AMY2B: variants seen among roughly 807,000 people sequenced by gnomAD.
AMY2B encodes amylase alpha 2B, also known as alpha-amylase 2B.
In AMY2B, 63 loss-of-function variants were observed where a neutral mutation model predicts 59.3. That is an observed-to-expected ratio of 1.06 (90% CI 0.87 to 1.31). The LOEUF is 1.31. AMY2B is among the 50% of genes most tolerant of loss of function. The probability of loss-of-function intolerance (pLI) is 0.00; values close to 1 mark genes in which losing one functional copy is unlikely to be tolerated. For missense variants in AMY2B, 635 were observed against 626.7 expected (o/e 1.01, Z -0.14); for synonymous variants, 180 against 198.1 (o/e 0.91, Z 0.77).
intron 5 of AMY2B, among the ~76,000 whole-genome samples, chr1:103,574,739 A>G (rs1478280781): frequency 6.6e-6 from 1 of 151,828 alleles, no homozygotes; most frequent in Non-Finnish European, 1.5e-5. Context: ...TCCATACTGT[A>G]GAATTTACAT....
At chr1:103,557,451 A>C (rs971839142) in intron 1 of AMY2B, among the ~76,000 whole-genome samples, 1 of 152,098 alleles carries the variant, frequency 6.6e-6, no homozygotes, top group Non-Finnish European at 1.5e-5. Flanking sequence ...CAGGATTTTG[A>C]GACCAGCCTG....
At chr1:103,557,668 A>G (rs763581321) in intron 1 of AMY2B, among the ~76,000 whole-genome samples, 3 of 152,222 alleles carry the variant, frequency 2.0e-5, no homozygotes, top group South Asian at 4.1e-4. Flanking sequence ...AGTATTTTAC[A>G]TAAGAAATTT....
chr1:103,574,196 C>A (rs1652252906), intron 4 of AMY2B, 64 bp from the exon 5 acceptor site: 1 of 1,607,176 alleles, frequency 6.2e-7, no homozygotes, highest in East Asian at 2.2e-5. Flanking sequence ...ATAATATTAA[C>A]TTATTGGTTA....
At chr1:103,576,566 T>C (rs1355260259) in intron 7 of AMY2B, among the ~76,000 whole-genome samples, 4 of 152,096 alleles carry the variant, frequency 2.6e-5, no homozygotes, top group Admixed American at 2.6e-4. Flanking sequence ...AAAAACTTCC[T>C]AGGGTTACTC....
intron 1 of AMY2B, among the ~76,000 whole-genome samples, chr1:103,559,854 C>T (rs1314089997): frequency 1.3e-5 from 2 of 151,982 alleles, no homozygotes; most frequent in African/African-American, 4.8e-5. Context: ...TAAAAACTGA[C>T]AGGTTTGTAA....
At chr1:103,575,961 A>G (rs770641891) in intron 7 of AMY2B, among the ~76,000 whole-genome samples, 6 of 152,176 alleles carry the variant, frequency 3.9e-5, no homozygotes, top group Non-Finnish European at 8.8e-5. Flanking sequence ...AAAAAGTTAT[A>G]TGGAATACAA....
At chr1:103,570,421 A>G, upstream of AMY2B, 1 of 875,828 alleles carries the variant, frequency 1.1e-6, no homozygotes. Context: ...GACATCCGCA[A>G]AGACCTGTAG....
At chr1:103,571,237 T>G (rs1388842393), upstream of AMY2B, 2 of 673,750 alleles carry the variant, frequency 3.0e-6, no homozygotes, top group African/African-American at 3.8e-5. Flanking sequence ...AATGTATTCA[T>G]CCTTTTAATT....
chr1:103,575,441 G>A lies in AMY2B; in HGVS notation c.1002G>A (p.Arg334=). 6.2e-7 allele frequency: 1 copy of A among 1,613,376 alleles called. No homozygotes were observed. The highest frequency in any genetic ancestry group is 8.5e-7 in the Non-Finnish European group (1 of 1,179,636). ...GATAATATAATTATGTAACTTTCAG[G>A]CTGTATAAAATGGCAGTTGGATTTA... The part of the protein sequence containing the change: ...GASILTFWDA[R]LYKMAVGFML... The change falls in exon 7 of 10, where the codon AGG becomes AGA. Residue 334 remains arginine (R), a splice_region_variant and synonymous_variant. Transcript: ENST00000684275.
chr1:103,556,266 A>G (rs1001395237), intron 1 of AMY2B, among the ~76,000 whole-genome samples: 5 of 152,228 alleles, frequency 3.3e-5, no homozygotes, highest in Non-Finnish European at 5.9e-5. Context: ...AGGTGCTATC[A>G]CTGAAAAAGT....
At chr1:103,562,545 G>A (rs1422300167) in intron 1 of AMY2B, among the ~76,000 whole-genome samples, 2 of 152,090 alleles carry the variant, frequency 1.3e-5, no homozygotes, top group East Asian at 3.9e-4. Context: ...CAACTAACTT[G>A]ATCAAGTTCA....
intron 1 of AMY2B, among the ~76,000 whole-genome samples, chr1:103,556,191 CTGTGG>C (rs1397008433): frequency 0.02 from 2,978 of 152,210 alleles, 94 homozygotes; most frequent in African/African-American, 0.068. Flanking sequence ...CTTAGGCAAT[CTGTGG>C]TTTATTTAAG....
chr1:103,565,114 C>A (rs1472365019), intron 1 of AMY2B: 2 of 152,218 alleles, frequency 1.3e-5, no homozygotes, highest in African/African-American at 4.8e-5. Flanking sequence ...AGACCCCCAG[C>A]AGGTGCCTGA....
chr1:103,575,094 A>G (rs975367002), intron 5 of AMY2B, 129 bp from the exon 6 acceptor site: 6 of 1,266,242 alleles, frequency 4.7e-6, no homozygotes, highest in African/African-American at 4.5e-5. Flanking sequence ...ATCTTACAGA[A>G]TAACCATTTA....
chr1:103,571,393 A>G (rs1652124823), upstream of AMY2B: 1 of 1,207,580 alleles, frequency 8.3e-7, no homozygotes, highest in African/African-American at 1.5e-5. Context: ...CCAAAAAAAC[A>G]TTAATTTCTA....
chr1:103,567,278 A>G (rs974319116), upstream of AMY2B, among the ~76,000 whole-genome samples: 1 of 152,080 alleles, frequency 6.6e-6, no homozygotes, highest in Non-Finnish European at 1.5e-5. Context: ...ATGATATTTC[A>G]TATAAAATAT....
chr1:103,557,205 A>T (rs1328553964), intron 1 of AMY2B, among the ~76,000 whole-genome samples: 1 of 152,146 alleles, frequency 6.6e-6, no homozygotes, highest in African/African-American at 2.4e-5. Flanking sequence ...CAAAACATTG[A>T]ATAAGCATCA....
In AMY2B at chr1:103,579,413, C is replaced by T. The variant is rs113020975; in HGVS notation, c.1449C>T (p.Tyr483=). Residue 483 remains tyrosine, a synonymous_variant, in exon 10 of 10, where the codon TAC becomes TAT. Coordinates refer to ENST00000684275, the MANE Select transcript of AMY2B (RefSeq NM_001387437.1). ...INGNCTGIKI[Y]VSDDGKAHFS... Reference sequence around the variant, plus strand: ...GCAATTGCACAGGCATTAAAATCTACGTTTCTGACGATGGCAAAGCTCATT... The same window carrying T: ...GCAATTGCACAGGCATTAAAATCTATGTTTCTGACGATGGCAAAGCTCATT... 2.3e-4 allele frequency: 375 copies of T among 1,611,670 alleles called. No homozygotes were observed. The African/African-American group carries it at 4.1e-3, about 18-fold the overall frequency.
intron 4 of AMY2B, 49 bp from the exon 5 acceptor site, chr1:103,574,211 G>T (rs1235033029): frequency 6.2e-7 from 1 of 1,611,028 alleles, no homozygotes; most frequent in Non-Finnish European, 8.5e-7. Flanking sequence ...TGGTTAAAAT[G>T]CTTTAAAGTC....
Sources: gnomAD v4.1 joint callset for allele counts (sites outside exome capture counted in the v4.1 genomes callset) on GRCh38, gnomAD v4.1.1 for gene constraint, MANE v1.5 for transcripts, NCBI Gene and HGNC (gene_info 2026-07-23, HGNC 2026-07-21) for gene names.